Variants in KAZN observed in about 807,000 individuals in gnomAD.
The protein encoded by KAZN is kazrin.
Under a neutral mutation model 87.4 loss-of-function variants are expected in KAZN, and 40 were observed. The ratio of observed to expected loss-of-function variants is 0.46; its 90% confidence interval spans 0.36 to 0.60. The LOEUF (loss-of-function observed/expected upper bound fraction) is 0.60, where lower values mean the gene tolerates loss of function less well. Among genes scored for constraint, KAZN ranks in the 20% least tolerant of loss-of-function variants. The pLI is 0.00. For missense variants in KAZN, 898 were observed against 1,073.9 expected (o/e 0.84, Z 2.29); for synonymous variants, 466 against 458.3 (o/e 1.02, Z -0.22).
At chr1:14,432,289 A>G (rs977395685) in intron 2 of KAZN, among the ~76,000 whole-genome samples, 1 of 152,250 alleles carries the variant, frequency 6.6e-6, no homozygotes, top group Non-Finnish European at 1.5e-5. Context: ...ATTCTGCAAC[A>G]GTGAAAAATT....
At chr1:14,532,853 C>T (rs1355116959) in intron 2 of KAZN, among the ~76,000 whole-genome samples, 2 of 151,898 alleles carry the variant, frequency 1.3e-5, no homozygotes, top group East Asian at 3.9e-4. Context: ...GCCACATTTT[C>T]TTAATCCAGT....
At chr1:14,346,518 T>C (rs888203512) in intron 2 of KAZN, among the ~76,000 whole-genome samples, 4 of 151,648 alleles carry the variant, frequency 2.6e-5, no homozygotes, top group South Asian at 4.2e-4. Flanking sequence ...AGATAGAGAG[T>C]GGTTTGCAGT....
At chr1:14,899,299 C>T (rs1440485918) in intron 1 of KAZN, among the ~76,000 whole-genome samples, 2 of 152,220 alleles carry the variant, frequency 1.3e-5, no homozygotes, top group Non-Finnish European at 2.9e-5. Flanking sequence ...CGTGTCCCCT[C>T]TGGGCCCTCA....
At chr1:14,299,829 G>A (rs191064390) in intron 2 of KAZN, among the ~76,000 whole-genome samples, 144 of 152,282 alleles carry the variant, frequency 9.5e-4, no homozygotes, top group African/African-American at 3.2e-3. Context: ...AAAGCAAGTC[G>A]CATGGCCAAG....
chr1:14,964,881 G>A (rs1296848004), intron 2 of KAZN, among the ~76,000 whole-genome samples: 3 of 152,140 alleles, frequency 2.0e-5, no homozygotes, highest in Non-Finnish European at 2.9e-5. Context: ...CAAAAGCAAT[G>A]GAAAGAATCT....
chr1:14,511,002 A>G (rs903128399), intron 2 of KAZN, among the ~76,000 whole-genome samples: 2 of 151,662 alleles, frequency 1.3e-5, no homozygotes, highest in Non-Finnish European at 2.9e-5. Flanking sequence ...TACATGATTA[A>G]TCTTGGTGGC....
chr1:14,612,993 C>G (rs1263206252), intron 1 of KAZN, among the ~76,000 whole-genome samples: 1 of 152,196 alleles, frequency 6.6e-6, no homozygotes, highest in African/African-American at 2.4e-5. Context: ...TGATTTCTGT[C>G]TCCCAAAGAC....
chr1:14,187,576 A>G (rs894157168), intron 2 of KAZN, among the ~76,000 whole-genome samples: 7 of 152,134 alleles, frequency 4.6e-5, no homozygotes, highest in African/African-American at 1.7e-4. Context: ...AAGCAGAGCA[A>G]CTTTGCTTCC....
chr1:13,903,160 A>T (rs1570232237), intron 1 of KAZN, among the ~76,000 whole-genome samples: 1 of 152,210 alleles, frequency 6.6e-6, no homozygotes, highest in East Asian at 1.9e-4. Flanking sequence ...TATACTAATG[A>T]TGTACTGGCA....
intron 1 of KAZN, among the ~76,000 whole-genome samples, chr1:14,661,137 C>T (rs1033293791): frequency 3.9e-5 from 6 of 152,226 alleles, no homozygotes; most frequent in Non-Finnish European, 8.8e-5. Flanking sequence ...TGGTGCTCTT[C>T]TCCCCATTTG....
At chr1:14,782,511 A>G (rs116699334) in intron 1 of KAZN, among the ~76,000 whole-genome samples, 1,985 of 141,760 alleles carry the variant, frequency 0.014, 58 homozygotes, top group African/African-American at 0.048. Flanking sequence ...CCGCGTCATT[A>G]CACTCCAGTC....
intron 1 of KAZN, among the ~76,000 whole-genome samples, chr1:14,754,028 G>T (rs1325842983): frequency 6.6e-6 from 1 of 152,212 alleles, no homozygotes; most frequent in Non-Finnish European, 1.5e-5. Context: ...GCTAGGACTT[G>T]GAGGTTCTTT....
chr1:15,031,265 G>A (rs894303655), intron 2 of KAZN, among the ~76,000 whole-genome samples: 1 of 152,248 alleles, frequency 6.6e-6, no homozygotes, highest in African/African-American at 2.4e-5. Context: ...GCCTTGTCAG[G>A]CTGGAAGTTT....
chr1:14,898,464 T>C (rs1655504725), intron 1 of KAZN, among the ~76,000 whole-genome samples: 1 of 152,144 alleles, frequency 6.6e-6, no homozygotes, highest in Non-Finnish European at 1.5e-5. Flanking sequence ...TGTCTACGTC[T>C]GGTCAGCAGA....
chr1:14,832,188 C>T (rs1215633986), intron 1 of KAZN, among the ~76,000 whole-genome samples: 1 of 148,002 alleles, frequency 6.8e-6, no homozygotes, highest in African/African-American at 2.6e-5. Context: ...AAGAGCGAAA[C>T]TCCATCTCAA....
chr1:15,114,759 C>A lies in KAZN; in HGVS notation c.*124C>A, dbSNP rs1641783430. 1 of 966,084 alleles carries A rather than the reference C, an allele frequency of 1.0e-6. No homozygotes were observed. Among genetic ancestry groups the A allele is most frequent in the Non-Finnish European group, 1.5e-6 (1 of 663,346 alleles). 59.8% of individuals were successfully genotyped at this position (966,084 alleles called of 1,614,324 possible). ...GCTGAGGATGTCCCTTGCTCCTGGG[C>A]AAAATCCCGATGGACTCTGCGGTTT... On this transcript the variant is annotated 3_prime_UTR_variant, in exon 15 of 15. Coordinates refer to ENST00000376030, the MANE Select transcript of KAZN (RefSeq NM_201628.3).
At chr1:14,574,213 G>C (rs191219989) in intron 2 of KAZN, among the ~76,000 whole-genome samples, 1 of 152,146 alleles carries the variant, frequency 6.6e-6, no homozygotes, top group African/African-American at 2.4e-5. Context: ...TGTATAGCTT[G>C]GGGAAGTTGA....
intron 2 of KAZN, among the ~76,000 whole-genome samples, chr1:14,412,259 CAGA>C (rs1664368461): frequency 6.6e-6 from 1 of 152,170 alleles, no homozygotes; most frequent in Admixed American, 6.5e-5. Flanking sequence ...GTTTAAAACA[CAGA>C]AGCTCTAATG....
At chr1:13,979,836 C>T (rs1406166010) in intron 1 of KAZN, among the ~76,000 whole-genome samples, 5 of 148,040 alleles carry the variant, frequency 3.4e-5, no homozygotes, top group Non-Finnish European at 7.4e-5. Context: ...GAGGCTGAGG[C>T]AGGAGAATGG....
Sources: allele counts gnomAD v4.1 joint callset (sites outside exome capture counted in the v4.1 genomes callset), GRCh38; gene constraint gnomAD v4.1.1; transcripts MANE v1.5; gene names NCBI Gene and HGNC (gene_info 2026-07-23, HGNC 2026-07-21).